The following RBFOX1 variants were observed in gnomAD, a reference collection of about 807,000 sequenced individuals.
RBFOX1 encodes the protein RNA binding protein fox-1 homolog 1.
RBFOX1 carries 8 observed loss-of-function variants against 57.7 expected under a neutral mutation model. The observed-to-expected ratio is 0.14, with a 90% confidence interval of 0.08 to 0.25. The LOEUF (loss-of-function observed/expected upper bound fraction) is 0.25. Ranked by LOEUF, RBFOX1 falls within the 10% of genes least tolerant of loss-of-function variation. RBFOX1 has a pLI of 1.00. For synonymous variants in RBFOX1, 326 were observed against 222.4 expected (o/e 1.47, Z -4.15); for missense variants, 611 against 548.5 (o/e 1.11, Z -1.14).
intron 3 of RBFOX1, among the ~76,000 whole-genome samples, chr16:7,022,128 T>A (rs888199530): frequency 7.0e-6 from 1 of 143,214 alleles, no homozygotes; most frequent in Non-Finnish European, 1.5e-5. Flanking sequence ...GGTGGAGCAA[T>A]CTCCACTCAC....
At chr16:6,352,745 A>C (rs1166530021) in intron 2 of RBFOX1, among the ~76,000 whole-genome samples, 2 of 152,192 alleles carry the variant, frequency 1.3e-5, no homozygotes, top group African/African-American at 4.8e-5. Context: ...TTTCAATCCC[A>C]TCCATTAACT....
At chr16:6,832,975 A>G (rs528284806) in intron 3 of RBFOX1, among the ~76,000 whole-genome samples, 87 of 152,122 alleles carry the variant, frequency 5.7e-4, no homozygotes, top group Non-Finnish European at 1.1e-3. Flanking sequence ...ATTGATATGT[A>G]ACTCCTGCTC....
intron 2 of RBFOX1, among the ~76,000 whole-genome samples, chr16:6,510,770 C>G (rs2096239814): frequency 6.6e-6 from 1 of 151,540 alleles, no homozygotes; most frequent in Non-Finnish European, 1.5e-5. Context: ...AAAAAAAAGA[C>G]AACAATTTGT....
At chr16:5,993,578 T>G (rs1477574362) in intron 4 of RBFOX1, among the ~76,000 whole-genome samples, 1 of 152,156 alleles carries the variant, frequency 6.6e-6, no homozygotes, top group Non-Finnish European at 1.5e-5. Flanking sequence ...TGGCCATTAT[T>G]CTATTTGACT....
chr16:6,155,413 T>C (rs1036464329), intron 1 of RBFOX1, among the ~76,000 whole-genome samples: 3 of 152,164 alleles, frequency 2.0e-5, no homozygotes, highest in African/African-American at 7.2e-5. Context: ...ATCTGCTGAG[T>C]AAGTAGAGAC....
chr16:6,930,329 C>G (rs1259740361), intron 3 of RBFOX1, among the ~76,000 whole-genome samples: 3 of 152,122 alleles, frequency 2.0e-5, no homozygotes, highest in Admixed American at 6.5e-5. Flanking sequence ...AAGAAGATAC[C>G]TAACATCACT....
rs540997044 is a variant in RBFOX1, at chr16:6,219,420, C to T, written c.-126-97575C>T. ...CCATGGTTGTGCCACGACACTCCAGCCTGGGCAGCATAACTGAGTTGGGAG... is the reference window on the plus strand; with the variant it reads ...CCATGGTTGTGCCACGACACTCCAGTCTGGGCAGCATAACTGAGTTGGGAG... On this transcript the variant is annotated intron_variant, in intron 1 of 15. Coordinates refer to ENST00000550418, the MANE Select transcript of RBFOX1 (RefSeq NM_018723.4). Among the ~76,000 whole-genome samples the T allele has an allele frequency of 7.3e-4, 111 of 152,240 alleles. 1 individual carries two copies. The highest frequency in any genetic ancestry group is 2.3e-3 in the South Asian group (11 of 4,822).
intron 3 of RBFOX1, among the ~76,000 whole-genome samples, chr16:5,643,759 C>T (rs191154013): frequency 3.4e-4 from 51 of 152,134 alleles, no homozygotes; most frequent in African/African-American, 1.2e-3. Flanking sequence ...CACCATTTTA[C>T]TGATTCTTGT....
At chr16:5,599,680 C>T (rs1240969074) in exon 3 of RBFOX1, 2 of 159,024 alleles carry the variant, frequency 1.3e-5, no homozygotes, top group East Asian at 1.9e-4. Flanking sequence ...ATGATTTTCT[C>T]TTTATAGCCA....
intron 4 of RBFOX1, among the ~76,000 whole-genome samples, chr16:7,250,200 T>G (rs1255307190): frequency 6.6e-6 from 1 of 152,234 alleles, no homozygotes; most frequent in Admixed American, 6.5e-5. Context: ...AATGTGGTGT[T>G]TCTAAATGGT....
rs554328650 is a variant in RBFOX1, at chr16:6,428,954, G to A, written c.-64+111897G>A. 2.6e-5 allele frequency among the ~76,000 whole-genome samples: 4 copies of A among 152,274 alleles called. No individual in the cohort carries two copies. The East Asian group carries it at 7.7e-4, about 29-fold the overall frequency. The stretch of plus-strand genomic sequence containing the variant: ...TTAGATCACAGCGCATTTGAGATGT[G>A]GTTGGGTTTATGGACCTGCGGCGTG... On this transcript the variant is annotated intron_variant, in intron 2 of 15. Transcript: ENST00000550418.
In RBFOX1 at chr16:7,567,151, C is replaced by CTATATATATATCCATATATATCTCCCTA. The variant is rs2091897384; in HGVS notation, c.271-12605_271-12604insCTCCCTATATATATATATCCATATATAT. 3.3e-5 allele frequency among the ~76,000 whole-genome samples: 2 copies of CTATATATATATCCATATATATCTCCCTA among 61,146 alleles called. 1 individual carries two copies. The highest frequency in any genetic ancestry group is 8.8e-5 in the Non-Finnish European group (2 of 22,728). 40.1% of individuals were successfully genotyped at this position (61,146 alleles called of 152,430 possible). ...TATATATGTATATCCATATATATCCCTATATATATATCCATATATATATCC... is the reference window on the plus strand; with the variant it reads ...TATATATGTATATCCATATATATCCCTATATATATATCCATATATATCTCCCTATATATATATATCCATATATATATCC... On this transcript the variant is annotated intron_variant, in intron 5 of 15. Transcript: ENST00000550418.
intron 2 of RBFOX1, among the ~76,000 whole-genome samples, chr16:6,377,702 C>G (rs2091349565): frequency 6.6e-6 from 1 of 152,184 alleles, no homozygotes; most frequent in African/African-American, 2.4e-5. Context: ...TTTAATATGT[C>G]TATTTAAATG....
chr16:7,265,844 A>G (rs1390920859), intron 4 of RBFOX1, among the ~76,000 whole-genome samples: 1 of 151,860 alleles, frequency 6.6e-6, no homozygotes, highest in Admixed American at 6.6e-5. Flanking sequence ...ATGTTGAAAT[A>G]TAACTCCCAA....
intron 11 of RBFOX1, among the ~76,000 whole-genome samples, chr16:7,640,080 A>T (rs531356607): frequency 1.3e-5 from 2 of 152,278 alleles, no homozygotes; most frequent in South Asian, 4.1e-4. Flanking sequence ...TCTGATATTA[A>T]CTTAGTTATT....
intron 2 of RBFOX1, among the ~76,000 whole-genome samples, chr16:6,505,003 G>A (rs1396257348): frequency 2.0e-5 from 3 of 152,124 alleles, no homozygotes; most frequent in Non-Finnish European, 4.4e-5. Context: ...AACCCAGGAG[G>A]CAGAGGTTGC....
At chr16:5,795,227 A>G (rs182288442) in intron 3 of RBFOX1, among the ~76,000 whole-genome samples, 2 of 152,028 alleles carry the variant, frequency 1.3e-5, no homozygotes, top group East Asian at 3.9e-4. Context: ...CCCTCTCCCT[A>G]TTACTATGCC....
chr16:7,286,314 A>G (rs1005027708), intron 4 of RBFOX1, among the ~76,000 whole-genome samples: 1 of 152,162 alleles, frequency 6.6e-6, no homozygotes, highest in African/African-American at 2.4e-5. Context: ...GCATCATACA[A>G]ACATCATGTG....
chr16:5,813,311 C>A (rs990943500), intron 3 of RBFOX1, among the ~76,000 whole-genome samples: 1 of 152,206 alleles, frequency 6.6e-6, no homozygotes, highest in African/African-American at 2.4e-5. Context: ...GTGTTAAATG[C>A]ACCCACAACA....
Sources: allele counts gnomAD v4.1 joint callset (sites outside exome capture counted in the v4.1 genomes callset), GRCh38; gene constraint gnomAD v4.1.1; transcripts MANE v1.5; gene names NCBI Gene and HGNC (gene_info 2026-07-23, HGNC 2026-07-21).